The following EPRS1 variants were observed in gnomAD, a reference collection of about 807,000 sequenced individuals.
EPRS1 encodes the protein bifunctional glutamate/proline--tRNA ligase.
A neutral mutation model predicts 188.3 loss-of-function variants in EPRS1; 107 were observed. The observed-to-expected ratio is 0.57, with a 90% CI of 0.49 to 0.67. EPRS1 has a LOEUF of 0.67. Among genes scored for constraint, EPRS1 ranks in the 30% least tolerant of loss-of-function variants. EPRS1 has a pLI of 0.00. For synonymous variants in EPRS1, 596 were observed against 593.1 expected (o/e 1.00, Z -0.07); for missense variants, 1,577 against 1,802.2 (o/e 0.88, Z 2.26).
chr1:220,016,850 C>G (rs950595058), intron 12 of EPRS1, among the ~76,000 whole-genome samples: 3 of 151,844 alleles, frequency 2.0e-5, no homozygotes, highest in African/African-American at 2.4e-5. Context: ...TATTTATCTT[C>G]CATCACGGGA....
At chr1:219,999,751 A>G (rs1661307305) in intron 17 of EPRS1, among the ~76,000 whole-genome samples, 1 of 152,164 alleles carries the variant, frequency 6.6e-6, no homozygotes. Context: ...AGGTGGGCAG[A>G]TCACCTGAGG....
intron 3 of EPRS1, among the ~76,000 whole-genome samples, chr1:220,033,980 C>T (rs543846349): frequency 1.3e-5 from 2 of 151,124 alleles, no homozygotes; most frequent in Admixed American, 6.6e-5. Context: ...CTGAATGAAC[C>T]GAAGGGATGG....
Position 219,980,193 on chromosome 1 carries a change from C to T in EPRS1, c.3603G>A (p.Leu1201=). ...DLYAQVYEEL[L]AIPVVKGRKT... is the part of the protein sequence containing the mutation. ...TTCTTCCTTTAACAACAGGAATTGC[C>T]AGGAGTTCTTCATATACCTGAGCAT... is the stretch of plus-strand genomic sequence containing the variant. The change falls in exon 26 of 32, where the codon CTG becomes CTA. Residue 1201 remains leucine, a synonymous_variant. Transcript: ENST00000366923. 2 of 1,613,266 alleles carry T rather than the reference C, an allele frequency of 1.2e-6. No homozygotes were observed. Among genetic ancestry groups the T allele is most frequent in the South Asian group, 2.2e-5 (2 of 91,054 alleles).
At chr1:220,016,963 A>G (rs1434106034) in intron 12 of EPRS1, among the ~76,000 whole-genome samples, 1 of 152,066 alleles carries the variant, frequency 6.6e-6, no homozygotes, top group Non-Finnish European at 1.5e-5. Flanking sequence ...GCCTGTAATC[A>G]CAGCACTTTG....
At chr1:220,009,653 C>A (rs1278422465) in intron 13 of EPRS1, among the ~76,000 whole-genome samples, 3 of 151,864 alleles carry the variant, frequency 2.0e-5, no homozygotes, top group Non-Finnish European at 4.4e-5. Flanking sequence ...CCACTGCACT[C>A]CAGCCTGAGC....
chr1:220,022,734 G>A (rs988416863), intron 8 of EPRS1, among the ~76,000 whole-genome samples: 3 of 152,138 alleles, frequency 2.0e-5, no homozygotes, highest in East Asian at 1.9e-4. Context: ...ATACAAATAC[G>A]TTTTAGAAAA....
intron 2 of EPRS1, among the ~76,000 whole-genome samples, chr1:220,038,683 C>A (rs1224338212): frequency 6.6e-6 from 1 of 152,020 alleles, no homozygotes; most frequent in Non-Finnish European, 1.5e-5. Flanking sequence ...TGGCCACATA[C>A]CCTGTTTCAT....
chr1:220,045,376 C>T (rs1205976818), intron 1 of EPRS1, among the ~76,000 whole-genome samples: 9 of 152,040 alleles, frequency 5.9e-5, no homozygotes, highest in African/African-American at 1.9e-4. Flanking sequence ...TGGTGGCACG[C>T]GCCTGTAGTC....
chr1:220,020,246 A>G (rs1254792975), intron 9 of EPRS1, 25 bp from the exon 10 acceptor site: 2 of 1,442,284 alleles, frequency 1.4e-6, no homozygotes, highest in Non-Finnish European at 9.7e-7. Context: ...AATAAAATAA[A>G]CAAAACATTT....
At chr1:220,007,537 A>G (rs896487568) in intron 13 of EPRS1, among the ~76,000 whole-genome samples, 199 bp from the exon 14 acceptor site, 2 of 152,194 alleles carry the variant, frequency 1.3e-5, no homozygotes, top group African/African-American at 2.4e-5. Context: ...CATATTCCCA[A>G]TTCTGTTCTT....
chr1:220,034,741 A>T (rs2102597677), intron 3 of EPRS1, among the ~76,000 whole-genome samples, 173 bp downstream of exon 3: 1 of 152,268 alleles, frequency 6.6e-6, no homozygotes, highest in East Asian at 1.9e-4. Flanking sequence ...CAAAAAAAGA[A>T]TTTTTTTGTG....
intron 12 of EPRS1, among the ~76,000 whole-genome samples, chr1:220,015,794 TA>T (rs11325774): frequency 0.64 from 93,649 of 146,852 alleles, 31,001 homozygotes; most frequent in Non-Finnish European, 0.76. Context: ...GAAGGTAATA[TA>T]AAAAAAAAAA....
Position 219,987,128 on chromosome 1 carries a change from CTGCGATTCAT to C in EPRS1, c.3038+4_3038+13del, listed in dbSNP as rs1212944885. 1.9e-6 allele frequency: 3 copies of C among 1,589,570 alleles called. No homozygotes were observed. Among genetic ancestry groups the C allele is most frequent in the Non-Finnish European group, 2.6e-6 (3 of 1,172,698 alleles). On this transcript the variant is annotated splice_donor_5th_base_variant and intron_variant, in intron 20 of 31. Transcript: ENST00000366923. Reference sequence around the variant, plus strand: ...CACTGCTTTGCTTCAAATGAAGTTTCTGCGATTCATTACCTGGTCTGTTTCTTAGGCCCCT... The same window carrying C: ...CACTGCTTTGCTTCAAATGAAGTTTCTACCTGGTCTGTTTCTTAGGCCCCT...
chr1:220,003,879 C>A (rs374945430), intron 16 of EPRS1, among the ~76,000 whole-genome samples: 5 of 152,290 alleles, frequency 3.3e-5, no homozygotes, highest in South Asian at 2.1e-4. Flanking sequence ...GCATCAAGTG[C>A]TTTTGAAAAG....
At chr1:219,986,102 A>G (rs953165205) in intron 20 of EPRS1, among the ~76,000 whole-genome samples, 15 of 152,218 alleles carry the variant, frequency 9.9e-5, no homozygotes, top group Admixed American at 4.6e-4. Flanking sequence ...TGTATATGAC[A>G]TGAGAGCTAA....
At chr1:219,990,185 T>C (rs538203477) in intron 18 of EPRS1, among the ~76,000 whole-genome samples, 2 of 151,304 alleles carry the variant, frequency 1.3e-5, no homozygotes, top group African/African-American at 4.8e-5. Context: ...AGGAGAAAAT[T>C]AAGGTGAGCA....
At chr1:219,973,172 T>C (rs1660701858) in intron 29 of EPRS1, 66 bp downstream of exon 29, 1 of 1,422,802 alleles carries the variant, frequency 7.0e-7, no homozygotes, top group African/African-American at 1.4e-5. Flanking sequence ...CAAAAATTCC[T>C]TGGTAAAGAT....
rs761131320 is a variant in EPRS1, at chr1:219,988,618, C to G, written c.2747G>C (p.Arg916Pro). ...AGGGGCTTTTTCAGTTTTAAGTTTC[C>G]GAACTACTTCCCCTTGAGAAGCTAC... ...DKVASQGEVV[R>P]KLKTEKAPKD... is the part of the protein sequence containing the mutation. The change falls in exon 19 of 32, where the codon CGG (arginine) becomes CCG (proline). Residue 916 changes from arginine (R) to proline (P), a missense_variant. This residue lies in a region of EPRS1 where 1,278 missense variants were observed against 1,457.4 expected (regional missense o/e 0.88). Coordinates refer to ENST00000366923, the MANE Select transcript of EPRS1 (RefSeq NM_004446.3). 1 of 1,613,162 alleles carries G rather than the reference C, an allele frequency of 6.2e-7. No individual in the cohort carries two copies. The highest frequency in any genetic ancestry group is 1.7e-5 in the Admixed American group (1 of 59,980).
Position 219,997,487 on chromosome 1 carries a change from A to G in EPRS1, c.2182-145T>C, listed in dbSNP as rs73086899. The stretch of plus-strand genomic sequence containing the variant: ...AATCCCTTAAAAAGCTTAAATGAAT[A>G]ATCTCCTAAGTATTTATCCTAATGA... On this transcript the variant is annotated intron_variant, in intron 17 of 31. Transcript: ENST00000366923. 1,863 of 682,690 alleles carry G rather than the reference A, an allele frequency of 2.7e-3. 36 individuals are homozygous for G. In the African/African-American group the frequency reaches 0.031, roughly 11 times the overall value. The allele number at this position is 682,690 out of a possible 1,614,324, so 42.3% of individuals were successfully genotyped here.
Sources: gnomAD v4.1 joint callset for allele counts (sites outside exome capture counted in the v4.1 genomes callset) on GRCh38, gnomAD v4.1.1 for gene constraint, gnomAD v4.1.1 regional missense constraint, MANE v1.5 for transcripts, NCBI Gene and HGNC (gene_info 2026-07-23, HGNC 2026-07-21) for gene names.